Variants in FGD4 observed in about 807,000 individuals in gnomAD.
FGD4 encodes the protein FYVE, RhoGEF and PH domain-containing protein 4.
In FGD4, 42 loss-of-function variants were observed where a neutral mutation model predicts 102.0. That is an observed-to-expected ratio of 0.41 (90% confidence interval 0.32 to 0.53). The LOEUF is 0.53. Among genes scored for constraint, FGD4 ranks in the 20% least tolerant of loss-of-function variants. FGD4 has a pLI of 0.21. For missense variants in FGD4, 902 were observed against 1,078.2 expected (o/e 0.84, Z 2.29); for synonymous variants, 380 against 375.7 (o/e 1.01, Z -0.13).
At chr12:32,606,571 C>A (rs1948796896) in intron 7 of FGD4, among the ~76,000 whole-genome samples, 1 of 151,970 alleles carries the variant, frequency 6.6e-6, no homozygotes. Context: ...GGCTCGCTCC[C>A]TAGTCTGTCT....
At chr12:32,413,175 T>C (rs1256823648) in intron 1 of FGD4, among the ~76,000 whole-genome samples, 3 of 151,996 alleles carry the variant, frequency 2.0e-5, no homozygotes, top group African/African-American at 7.3e-5. Context: ...AAATACCTAA[T>C]GTAGATGATG....
chr12:32,623,105 A>G (rs772678624), intron 11 of FGD4, among the ~76,000 whole-genome samples: 1 of 152,112 alleles, frequency 6.6e-6, no homozygotes, highest in African/African-American at 2.4e-5. Context: ...TGCTTCTTCT[A>G]CTTTCAAAAA....
At chr12:32,462,792 C>T (rs1259225817) in intron 1 of FGD4, among the ~76,000 whole-genome samples, 1 of 152,106 alleles carries the variant, frequency 6.6e-6, no homozygotes, top group Admixed American at 6.6e-5. Flanking sequence ...TAAAATAGTG[C>T]TTTCAGGGCA....
chr12:32,527,799 T>A (rs1245976170), intron 1 of FGD4, among the ~76,000 whole-genome samples: 1 of 152,144 alleles, frequency 6.6e-6, no homozygotes, highest in East Asian at 1.9e-4. Flanking sequence ...TATTACCAAC[T>A]GAAATCCTTA....
intron 1 of FGD4, among the ~76,000 whole-genome samples, chr12:32,419,348 A>G (rs1404325120): frequency 6.6e-6 from 1 of 152,138 alleles, no homozygotes; most frequent in Non-Finnish European, 1.5e-5. Context: ...ATGGTATACT[A>G]CCTGGATAGT....
intron 1 of FGD4, among the ~76,000 whole-genome samples, chr12:32,526,244 C>T (rs995356833): frequency 2.0e-5 from 3 of 151,988 alleles, no homozygotes; most frequent in African/African-American, 4.8e-5. Flanking sequence ...AGTCGACACT[C>T]TGTATCTAGC....
intron 3 of FGD4, among the ~76,000 whole-genome samples, chr12:32,580,476 C>T (rs1053725044): frequency 7.9e-5 from 12 of 152,176 alleles, no homozygotes; most frequent in African/African-American, 2.9e-4. Flanking sequence ...AAGTCTGCAA[C>T]CTCACCGAGT....
At chr12:32,454,757 T>C (rs150485906) in intron 1 of FGD4, among the ~76,000 whole-genome samples, 1 of 152,308 alleles carries the variant, frequency 6.6e-6, no homozygotes, top group Non-Finnish European at 1.5e-5. Flanking sequence ...ATTTTGCTGG[T>C]ATCTTAAATT....
At chr12:32,527,617 A>G (rs1941388930) in intron 1 of FGD4, among the ~76,000 whole-genome samples, 1 of 152,036 alleles carries the variant, frequency 6.6e-6, no homozygotes, top group African/African-American at 2.4e-5. Context: ...TTTAGTAGAG[A>G]TGGGGTTTCA....
rs1432330145 is a variant in FGD4 at position 32,431,238 on chromosome 12, C to T, written c.166+31279C>T. Among the ~76,000 whole-genome samples, 3 of 152,138 alleles carry T rather than the reference C, an allele frequency of 2.0e-5. No homozygotes were observed. The East Asian group carries it at 5.8e-4, about 29-fold the overall frequency. On this transcript the variant is annotated intron_variant, in intron 1 of 16. Coordinates refer to ENST00000534526, the MANE Select transcript of FGD4 (RefSeq NM_001370298.3). ...AGCAGATGTGTTAGGTGCTTCTCTG[C>T]CTCTTGATTATAGCCCCTTTCTGTA...
chr12:32,608,485 A>T (rs1407495944), intron 8 of FGD4, among the ~76,000 whole-genome samples: 1 of 152,278 alleles, frequency 6.6e-6, no homozygotes, highest in Non-Finnish European at 1.5e-5. Flanking sequence ...GACATTCACT[A>T]TGTAAAAATA....
intron 1 of FGD4, among the ~76,000 whole-genome samples, chr12:32,513,618 A>G (rs372251445): frequency 1.3e-5 from 2 of 152,222 alleles, no homozygotes; most frequent in Non-Finnish European, 2.9e-5. Context: ...AGACTGGCAC[A>G]AGGATGTACA....
intron 11 of FGD4, among the ~76,000 whole-genome samples, chr12:32,621,550 T>C (rs1273786281): frequency 6.6e-6 from 1 of 152,216 alleles, no homozygotes; most frequent in African/African-American, 2.4e-5. Context: ...AAATTTCAGA[T>C]TTTAAAAAGA....
intron 1 of FGD4, among the ~76,000 whole-genome samples, chr12:32,445,671 A>G (rs761802485): frequency 6.6e-6 from 1 of 152,226 alleles, no homozygotes; most frequent in Non-Finnish European, 1.5e-5. Context: ...ATTTTGTGGA[A>G]TGAAGCATAA....
intron 1 of FGD4, among the ~76,000 whole-genome samples, chr12:32,537,346 C>T (rs951678446): frequency 6.6e-6 from 1 of 152,208 alleles, no homozygotes; most frequent in East Asian, 1.9e-4. Context: ...TCTACTGTTA[C>T]TTGCCCTGCT....
At chr12:32,461,933 G>A (rs965280941) in intron 1 of FGD4, among the ~76,000 whole-genome samples, 2 of 151,980 alleles carry the variant, frequency 1.3e-5, no homozygotes, top group Non-Finnish European at 2.9e-5. Flanking sequence ...CACCATCTTG[G>A]CCATGCTGGT....
At chr12:32,438,420 T>A (rs1277156950) in intron 1 of FGD4, among the ~76,000 whole-genome samples, 1 of 152,190 alleles carries the variant, frequency 6.6e-6, no homozygotes, top group Non-Finnish European at 1.5e-5. Context: ...ATTCAAAATG[T>A]TAGCCTTCTC....
At chr12:32,490,628 AC>A (rs1208558939) in intron 1 of FGD4, among the ~76,000 whole-genome samples, 1 of 152,004 alleles carries the variant, frequency 6.6e-6, no homozygotes, top group African/African-American at 2.4e-5. Context: ...TGAACTCCTG[AC>A]CTTGTGATCC....
rs1950123802 is a variant in FGD4 at position 32,625,766 on chromosome 12, G to A, written c.2159G>A (p.Arg720Gln). The A allele has an allele frequency of 3.7e-6, 6 of 1,613,892 alleles. No homozygotes were observed. Among genetic ancestry groups the A allele is most frequent in the Non-Finnish European group, 5.1e-6 (6 of 1,179,970 alleles). The change falls in exon 14 of 17, where the codon CGA becomes CAA. Residue 720 changes from arginine to glutamine, a missense_variant. Arg to Gln is a conservative substitution (Grantham distance 43). This residue lies in a region of FGD4 where 459 missense variants were observed against 619.0 expected (regional missense o/e 0.74). Transcript: ENST00000534526. The part of the protein sequence containing the change: ...NALTRRRHHC[R>Q]ACGYVVCWKC... ...CTGACACGAAGGAGGCATCATTGTC[G>A]AGCATGTGGATATGTAAGTGAGATT...
Sources: allele counts gnomAD v4.1 joint callset (sites outside exome capture counted in the v4.1 genomes callset), GRCh38; gene constraint gnomAD v4.1.1; regional missense constraint gnomAD v4.1.1; transcripts MANE v1.5; gene names NCBI Gene and HGNC (gene_info 2026-07-23, HGNC 2026-07-21).